The following SIPA1L2 variants were observed in gnomAD, a reference collection of about 807,000 sequenced individuals.
The protein encoded by SIPA1L2 is signal-induced proliferation-associated 1-like protein 2.
Under a neutral mutation model 163.9 loss-of-function variants are expected in SIPA1L2, and 56 were observed. That is an observed-to-expected ratio of 0.34 (90% CI 0.28 to 0.43). SIPA1L2 has a LOEUF of 0.43. Ranked by LOEUF, SIPA1L2 falls within the 20% of genes least tolerant of loss-of-function variation. The pLI is 1.00. For missense variants in SIPA1L2, 1,974 were observed against 2,193.5 expected (o/e 0.90, Z 2.00); for synonymous variants, 877 against 865.7 (o/e 1.01, Z -0.23).
chr1:232,570,193 C>T (rs1659638206), intron 2 of SIPA1L2, among the ~76,000 whole-genome samples: 1 of 152,178 alleles, frequency 6.6e-6, no homozygotes, highest in African/African-American at 2.4e-5. Flanking sequence ...CCAAACTTGT[C>T]TCAGTCACTT....
At position 232,451,194 on chromosome 1, in the gene SIPA1L2, T is replaced by C. The variant is rs1438507787; in HGVS notation, c.3096-5408A>G. 2.0e-5 allele frequency among the ~76,000 whole-genome samples: 3 copies of C among 152,308 alleles called. No individual in the cohort carries two copies. The East Asian group carries it at 5.8e-4, about 29-fold the overall frequency. ...GTCAAACTCAGTTCCGTTCCATATA[T>C]ATGAGAAATTCCTTAAAGGATGCAT... On this transcript the variant is annotated intron_variant, in intron 10 of 22. Transcript: ENST00000674635.
At chr1:232,493,387 C>T (rs553417201) in intron 4 of SIPA1L2, 140 bp downstream of exon 4, 16 of 1,152,592 alleles carry the variant, frequency 1.4e-5, no homozygotes, top group Middle Eastern at 2.0e-4. Flanking sequence ...ACTGCAATGC[C>T]CTTTTTAATT....
intron 2 of SIPA1L2, among the ~76,000 whole-genome samples, chr1:232,552,863 C>A (rs1359808293): frequency 1.3e-5 from 2 of 152,146 alleles, no homozygotes; most frequent in Non-Finnish European, 2.9e-5. Flanking sequence ...GGGGTGGCAC[C>A]CCTTATGGAG....
intron 10 of SIPA1L2, among the ~76,000 whole-genome samples, chr1:232,450,230 T>C (rs1161984393): frequency 2.6e-5 from 4 of 152,238 alleles, no homozygotes; most frequent in African/African-American, 9.6e-5. Context: ...AACAGTTACA[T>C]TATTGGTCAA....
At position 232,514,237 on chromosome 1, in the gene SIPA1L2, T is replaced by C; in HGVS notation, c.1103A>G (p.Gln368Arg). The C allele has an allele frequency of 1.2e-6, 2 of 1,614,230 alleles. No homozygotes were observed. The highest frequency in any genetic ancestry group is 1.7e-6 in the Non-Finnish European group (2 of 1,180,036). Residue 368 changes from glutamine (Q) to arginine (R), a missense_variant, in exon 3 of 23, where the codon CAG becomes CGG. Around this residue, in one of 3 missense-constraint regions of SIPA1L2, gnomAD observed 607 missense variants for 624.0 expected, o/e 0.97. Coordinates refer to ENST00000674635, the MANE Select transcript of SIPA1L2 (RefSeq NM_020808.5). ...GTTGCCTGTCTGGCCCGTAGGCATC[T>C]GAGTCTGGGATGCTGCAGATGCCCC... is the stretch of plus-strand genomic sequence containing the variant. ...TTGASAASQT[Q>R]MPTGQTGNCE...
intron 16 of SIPA1L2, among the ~76,000 whole-genome samples, chr1:232,431,799 G>A (rs1299984800): frequency 2.6e-5 from 4 of 151,980 alleles, no homozygotes; most frequent in Admixed American, 6.6e-5. Flanking sequence ...TGCCCACCAC[G>A]CCCCCCTCAA....
chr1:232,568,722 T>G (rs1444290880), intron 2 of SIPA1L2, among the ~76,000 whole-genome samples: 1 of 152,030 alleles, frequency 6.6e-6, no homozygotes, highest in Non-Finnish European at 1.5e-5. Flanking sequence ...ATCTAACACA[T>G]TATCTCTTTC....
chr1:232,434,755 G>T (rs12124700), intron 15 of SIPA1L2, among the ~76,000 whole-genome samples: 23,284 of 152,106 alleles, frequency 0.15, 2,181 homozygotes, highest in Non-Finnish European at 0.21. Context: ...ACAGAAAAGG[G>T]AAAGGATAGT....
chr1:232,564,952 G>A (rs1002806253), intron 2 of SIPA1L2, among the ~76,000 whole-genome samples: 14 of 152,078 alleles, frequency 9.2e-5, no homozygotes, highest in African/African-American at 2.9e-4. Context: ...TAATGCATGC[G>A]GGGCTTAAAA....
intron 18 of SIPA1L2, among the ~76,000 whole-genome samples, chr1:232,425,072 G>A (rs567140250): frequency 6.6e-6 from 1 of 152,236 alleles, no homozygotes; most frequent in South Asian, 2.1e-4. Flanking sequence ...GAGAACACAC[G>A]TCATCTGCAC....
intron 3 of SIPA1L2, among the ~76,000 whole-genome samples, chr1:232,508,606 G>C (rs571493952): frequency 6.6e-6 from 1 of 152,324 alleles, no homozygotes; most frequent in Non-Finnish European, 1.5e-5. Flanking sequence ...CCCTATCTAA[G>C]GGACCCTTTG....
intron 2 of SIPA1L2, among the ~76,000 whole-genome samples, chr1:232,519,028 A>T (rs1667336390): frequency 2.0e-5 from 3 of 152,122 alleles, no homozygotes; most frequent in African/African-American, 7.2e-5. Flanking sequence ...TATAAAGTCA[A>T]ATACCTATGA....
intron 4 of SIPA1L2, among the ~76,000 whole-genome samples, 177 bp from the exon 5 acceptor site, chr1:232,491,239 A>G (rs756310381): frequency 6.6e-6 from 1 of 152,176 alleles, no homozygotes; most frequent in Non-Finnish European, 1.5e-5. Context: ...GGAGTCTTTA[A>G]ACAGTAACAG....
In SIPA1L2 at chr1:232,550,071, TTC is replaced by T. The variant is rs763611031; in HGVS notation, c.-270+24101_-270+24102del. Among the ~76,000 whole-genome samples, 4 of 152,354 alleles carry T rather than the reference TTC, an allele frequency of 2.6e-5. No individual in the cohort carries two copies. In the East Asian group the frequency reaches 7.7e-4, roughly 29 times the overall value. On this transcript the variant is annotated intron_variant, in intron 2 of 22. Transcript: ENST00000674635. Reference sequence around the variant, plus strand: ...ATCTATAAGACAGAACTCAGAATTTTTCTAAACTGTAACTACCCACATCCATT... The same window carrying T: ...ATCTATAAGACAGAACTCAGAATTTTTAAACTGTAACTACCCACATCCATT...
At chr1:232,516,689 A>C (rs1027598037) in intron 2 of SIPA1L2, among the ~76,000 whole-genome samples, 4 of 151,800 alleles carry the variant, frequency 2.6e-5, no homozygotes, top group Admixed American at 6.6e-5. Flanking sequence ...AATATCTGCT[A>C]TTCTAAGACA....
chr1:232,432,380 T>C lies in SIPA1L2; in HGVS notation c.4123A>G (p.Ser1375Gly), dbSNP rs2102833803. Residue 1375 changes from serine to glycine, a missense_variant, in exon 16 of 23, where the codon AGC (serine) becomes GGC (glycine). This residue lies in a region of SIPA1L2 where 1,079 missense variants were observed against 1,150.7 expected (regional missense o/e 0.94). Coordinates refer to ENST00000674635, the MANE Select transcript of SIPA1L2 (RefSeq NM_020808.5). ...ATGGACCCGGGAACCTGTTGTCCGC[T>C]GCTGTGAGACACGATGTAGACTTTG... The part of the protein sequence containing the change: ...SSKVYIVSHS[S>G]GQQVPGSMSK... 2 of 1,614,258 alleles carry C rather than the reference T, an allele frequency of 1.2e-6. No individual in the cohort carries two copies. The highest frequency in any genetic ancestry group is 1.1e-5 in the South Asian group (1 of 91,088).
At chr1:232,525,541 T>C (rs1266718056) in intron 2 of SIPA1L2, among the ~76,000 whole-genome samples, 2 of 151,506 alleles carry the variant, frequency 1.3e-5, no homozygotes, top group African/African-American at 4.9e-5. Flanking sequence ...CAGGCATGAG[T>C]CAACACACCC....
intron 16 of SIPA1L2, among the ~76,000 whole-genome samples, chr1:232,432,012 A>G (rs1662272838): frequency 6.6e-6 from 1 of 152,246 alleles, no homozygotes; most frequent in African/African-American, 2.4e-5. Context: ...TTTCTATTGC[A>G]GGCAGATTTG....
At chr1:232,496,820 T>C (rs1015105696) in intron 3 of SIPA1L2, among the ~76,000 whole-genome samples, 1 of 152,164 alleles carries the variant, frequency 6.6e-6, no homozygotes, top group African/African-American at 2.4e-5. Flanking sequence ...GCCAAATGCA[T>C]TAAGAAAAAT....
Sources: gnomAD v4.1 joint callset for allele counts (sites outside exome capture counted in the v4.1 genomes callset) on GRCh38, gnomAD v4.1.1 for gene constraint, gnomAD v4.1.1 regional missense constraint, MANE v1.5 for transcripts, NCBI Gene and HGNC (gene_info 2026-07-23, HGNC 2026-07-21) for gene names.